SH3TC2: variants seen among roughly 807,000 people sequenced by gnomAD.
SH3TC2 encodes the protein SH3 domain and tetratricopeptide repeats 2, also known as SH3 domain and tetratricopeptide repeat-containing protein 2.
A neutral mutation model predicts 124.5 loss-of-function variants in SH3TC2; 87 were observed. That is an observed-to-expected ratio of 0.70 (90% CI 0.59 to 0.84). The LOEUF (loss-of-function observed/expected upper bound fraction) is 0.84. Ranked by LOEUF, SH3TC2 falls within the 40% of genes least tolerant of loss-of-function variation. The probability of loss-of-function intolerance (pLI) is 0.00; values close to 1 mark genes in which losing one functional copy is unlikely to be tolerated. For missense variants in SH3TC2, 1,536 were observed against 1,566.4 expected (o/e 0.98, Z 0.33); for synonymous variants, 634 against 628.5 (o/e 1.01, Z -0.13).
intron 8 of SH3TC2, among the ~76,000 whole-genome samples, chr5:149,033,813 A>C (rs1384239529): frequency 6.6e-6 from 1 of 152,232 alleles, no homozygotes; most frequent in African/African-American, 2.4e-5. Context: ...ACCACGATCC[A>C]AGAATTAATA....
At chr5:149,041,339 G>A (rs1754367975) in intron 6 of SH3TC2, 77 bp downstream of exon 6, 1 of 1,494,458 alleles carries the variant, frequency 6.7e-7, no homozygotes, top group Non-Finnish European at 9.2e-7. Flanking sequence ...GCCCATATCT[G>A]AAAGCATGCC....
At chr5:149,031,065 G>A (rs1242757498) in intron 9 of SH3TC2, among the ~76,000 whole-genome samples, 1 of 152,218 alleles carries the variant, frequency 6.6e-6, no homozygotes, top group African/African-American at 2.4e-5. Context: ...CAGGGGCAGT[G>A]TGGTAAAGTG....
chr5:149,051,717 G>T (rs903224800), intron 2 of SH3TC2, among the ~76,000 whole-genome samples: 2 of 152,138 alleles, frequency 1.3e-5, no homozygotes, highest in East Asian at 3.9e-4. Flanking sequence ...GCTTCCCAAA[G>T]TGCTGGGATT....
rs1206682254 is a variant in SH3TC2 at position 149,004,869 on chromosome 5, C to T, written c.3709G>A (p.Ala1237Thr). Residue 1237 changes from alanine (A) to threonine (T), a missense_variant, in exon 17 of 17, where the codon GCC (alanine) becomes ACC (threonine). Physicochemically the swap from Ala to Thr is moderately conservative, Grantham distance 58. Transcript: ENST00000515425. ...AHDATEYFLL[A>T]LAAAVLLGDE... Reference sequence around the variant, plus strand: ...CCCAGCAGGACCGCTGCTGCCAGGGCCAGAAGGAAGTACTCAGTGGCATCA... The same window carrying T: ...CCCAGCAGGACCGCTGCTGCCAGGGTCAGAAGGAAGTACTCAGTGGCATCA... 1 of 1,614,170 alleles carries T rather than the reference C, an allele frequency of 6.2e-7. No individual in the cohort carries two copies. Among genetic ancestry groups the T allele is most frequent in the African/African-American group, 1.3e-5 (1 of 75,024 alleles).
chr5:149,058,758 A>T (rs1474250347), intron 1 of SH3TC2, among the ~76,000 whole-genome samples: 1 of 152,028 alleles, frequency 6.6e-6, no homozygotes, highest in Non-Finnish European at 1.5e-5. Flanking sequence ...AAAATGGATA[A>T]GTATGGTAGG....
chr5:149,059,062 C>T (rs1754701151), intron 1 of SH3TC2, among the ~76,000 whole-genome samples: 2 of 151,980 alleles, frequency 1.3e-5, no homozygotes, highest in South Asian at 2.1e-4. Context: ...AAAGAGAAGG[C>T]ATCTTGACAT....
At chr5:149,058,481 A>T (rs1754688977) in intron 1 of SH3TC2, among the ~76,000 whole-genome samples, 1 of 152,110 alleles carries the variant, frequency 6.6e-6, no homozygotes, top group Non-Finnish European at 1.5e-5. Context: ...TTAGTCATCT[A>T]CATACTTTTT....
chr5:149,011,792 C>A (rs1387725428), intron 13 of SH3TC2, among the ~76,000 whole-genome samples: 1 of 152,022 alleles, frequency 6.6e-6, no homozygotes, highest in African/African-American at 2.4e-5. Context: ...AAGAAAAAAA[C>A]CGGTATATTT....
Position 149,050,666 on chromosome 5 carries a change from G to A in SH3TC2, c.151+1476C>T, listed in dbSNP as rs1356057528. On this transcript the variant is annotated intron_variant, in intron 2 of 16. Coordinates refer to ENST00000515425, the MANE Select transcript of SH3TC2 (RefSeq NM_024577.4). ...AACAAAGGGCAAAGTTTTTCTCATT[G>A]TCAACCAAGAAGTTTGACAGAATTT... Among the ~76,000 whole-genome samples the A allele has an allele frequency of 2.0e-5, 3 of 152,112 alleles. No individual in the cohort carries two copies. The East Asian group carries it at 5.8e-4, about 29-fold the overall frequency.
chr5:148,994,976 C>T lies in SH3TC2; in HGVS notation c.*9735G>A, dbSNP rs2127389029. 6.6e-6 allele frequency among the ~76,000 whole-genome samples: 1 copy of T among 152,258 alleles called. No homozygotes were observed. Among genetic ancestry groups the T allele is most frequent in the Admixed American group, 6.5e-5 (1 of 15,296 alleles). ...GATTATGAAACAATACTCTGGACCA[C>T]TCAGGCCTCAAAATACCTTAAAGGT... On this transcript the variant is annotated 3_prime_UTR_variant, in exon 17 of 17. Transcript: ENST00000515425.
rs1753382769 is a variant in SH3TC2 at position 148,989,108 on chromosome 5, T to A, written c.*15603A>T. Among the ~76,000 whole-genome samples the A allele has an allele frequency of 6.6e-6, 1 of 152,194 alleles. No individual in the cohort carries two copies. Among genetic ancestry groups the A allele is most frequent in the Non-Finnish European group, 1.5e-5 (1 of 68,034 alleles). On this transcript the variant is annotated 3_prime_UTR_variant, in exon 17 of 17. Transcript: ENST00000515425. ...GCTATTGTCATTGTTTTTTAACGTA[T>A]TTTCTTTATATTTCCTTGAGTTCCT...
rs1310673285 is a variant in SH3TC2, at chr5:148,982,793, G to C, written c.*21918C>G. On this transcript the variant is annotated 3_prime_UTR_variant, in exon 17 of 17. Coordinates refer to ENST00000515425, the MANE Select transcript of SH3TC2 (RefSeq NM_024577.4). ...GGGAAATGGGGGCATGCTATTCCTT[G>C]TTTAATTTTTCATTTGGGAATCATG... Among the ~76,000 whole-genome samples the C allele has an allele frequency of 6.6e-6, 1 of 152,052 alleles. No homozygotes were observed. The highest frequency in any genetic ancestry group is 2.4e-5 in the African/African-American group (1 of 41,398).
In SH3TC2 at chr5:148,993,794, C is replaced by G. The variant is rs1246571178; in HGVS notation, c.*10917G>C. 6.6e-6 allele frequency among the ~76,000 whole-genome samples: 1 copy of G among 152,198 alleles called. No individual in the cohort carries two copies. The highest frequency in any genetic ancestry group is 1.5e-5 in the Non-Finnish European group (1 of 68,032). On this transcript the variant is annotated 3_prime_UTR_variant, in exon 17 of 17. Transcript: ENST00000515425. ...AGCATCTAGCCCAGATTACATTCCT[C>G]TAAGCATGCCTTAACCCCACAGGTT...
chr5:149,027,862 TCC>T lies in SH3TC2; in HGVS notation c.1868_1869del (p.Gly623AspfsTer47), dbSNP rs1554121691. The T allele has an allele frequency of 1.9e-6, 3 of 1,613,668 alleles. No individual in the cohort carries two copies. The highest frequency in any genetic ancestry group is 2.5e-6 in the Non-Finnish European group (3 of 1,179,984). On this transcript the variant is annotated frameshift_variant, in exon 11 of 17. Transcript: ENST00000515425. LOFTEE classifies it high-confidence loss of function. ...LDVVAYVLRQGIVVGSSPLEA... is the reference protein window; with the variant it reads ...LDVVAYVLRQXIVVGSSPLEA... ...TCCAGCGGGCTGCTGCCCACCACAATCCCCTGGCGCAGCACGTAGGCCACCAC... is the reference window on the plus strand; with the variant it reads ...TCCAGCGGGCTGCTGCCCACCACAATCCTGGCGCAGCACGTAGGCCACCAC...
intron 3 of SH3TC2, chr5:149,044,942 T>C (rs1754432806): frequency 3.9e-6 from 1 of 254,740 alleles, no homozygotes; most frequent in Non-Finnish European, 7.7e-6. Context: ...AGCCAGGGAA[T>C]AGAACTATGG....
rs1753487287 is a variant in SH3TC2, at chr5:148,995,086, T to C, written c.*9625A>G. ...GGTATTTGGTGCAATAAGGCTTATA[T>C]AAGCCAAGGTCCCTGCTCCCTAGAT... On this transcript the variant is annotated 3_prime_UTR_variant, in exon 17 of 17. Transcript: ENST00000515425. 2.0e-5 allele frequency among the ~76,000 whole-genome samples: 3 copies of C among 152,206 alleles called. No individual in the cohort carries two copies.
chr5:149,048,141 G>T, intron 2 of SH3TC2, 152 bp from the exon 3 acceptor site: 1 of 1,040,522 alleles, frequency 9.6e-7, no homozygotes, highest in Non-Finnish European at 1.4e-6. Context: ...AACACTTCTC[G>T]GAGCACTCCT....
intron 1 of SH3TC2, among the ~76,000 whole-genome samples, chr5:149,053,219 T>C (rs1189646575): frequency 6.6e-6 from 1 of 152,222 alleles, no homozygotes; most frequent in Non-Finnish European, 1.5e-5. Flanking sequence ...CCTCTAATGA[T>C]ACAGCTCAAG....
chr5:149,048,043 A>G (rs762992705), intron 2 of SH3TC2, 54 bp from the exon 3 acceptor site: 148 of 1,609,404 alleles, frequency 9.2e-5, no homozygotes, highest in Middle Eastern at 1.7e-4. Context: ...AAAAAGGAAG[A>G]AAGAGTTAGA....
Sources: allele counts gnomAD v4.1 joint callset (sites outside exome capture counted in the v4.1 genomes callset), GRCh38; gene constraint gnomAD v4.1.1; transcripts MANE v1.5; gene names NCBI Gene and HGNC (gene_info 2026-07-23, HGNC 2026-07-21).